The following ARFIP1 variants were observed in gnomAD, a reference collection of about 807,000 sequenced individuals.
The protein encoded by ARFIP1 is ARF interacting protein 1, also known as arfaptin-1.
ARFIP1 carries 24 observed loss-of-function variants against 42.5 expected under a neutral mutation model. The ratio of observed to expected loss-of-function variants is 0.57; its 90% CI spans 0.41 to 0.80. The LOEUF is 0.80. ARFIP1 is among the 30% of genes least tolerant of loss of function. ARFIP1 has a pLI of 0.00. For missense variants in ARFIP1, 354 were observed against 434.0 expected (o/e 0.82, Z 1.64); for synonymous variants, 141 against 153.7 (o/e 0.92, Z 0.61).
intron 7 of ARFIP1, among the ~76,000 whole-genome samples, chr4:152,887,739 C>T (rs985376240): frequency 3.3e-5 from 5 of 152,032 alleles, no homozygotes; most frequent in Admixed American, 1.3e-4. Flanking sequence ...TTTACACTTC[C>T]GTTAGTTTTA....
At chr4:152,787,265 G>A (rs1730864118) in intron 1 of ARFIP1, among the ~76,000 whole-genome samples, 2 of 152,182 alleles carry the variant, frequency 1.3e-5, no homozygotes, top group Admixed American at 6.5e-5. Context: ...TAAAATGGTA[G>A]TACAGTTTGA....
chr4:152,863,565 T>C lies in ARFIP1; in HGVS notation c.94-41T>C, dbSNP rs762065971. Reference sequence around the variant, plus strand: ...TTCTGAACTGTTACGTCATGTGGGATTTTTTTACAAAGTTTTTTCTTTTAT... The same window carrying C: ...TTCTGAACTGTTACGTCATGTGGGACTTTTTTACAAAGTTTTTTCTTTTAT... On this transcript the variant is annotated intron_variant, in intron 2 of 8. Coordinates refer to ENST00000353617, the MANE Select transcript of ARFIP1 (RefSeq NM_001025595.3). 25 of 1,194,690 alleles carry C rather than the reference T, an allele frequency of 2.1e-5. No individual in the cohort carries two copies. The Admixed American group carries it at 4.7e-4, about 23-fold the overall frequency. The allele number at this position is 1,194,690 out of a possible 1,614,324, so 74.0% of individuals were successfully genotyped here.
intron 2 of ARFIP1, among the ~76,000 whole-genome samples, chr4:152,834,599 C>T (rs561052851): frequency 2.4e-4 from 37 of 152,350 alleles, no homozygotes; most frequent in African/African-American, 8.4e-4. Context: ...CTCCTTTACT[C>T]TGTGCTCTGC....
chr4:152,868,596 T>C (rs1161583877), intron 3 of ARFIP1, among the ~76,000 whole-genome samples: 1 of 152,194 alleles, frequency 6.6e-6, no homozygotes, highest in South Asian at 2.1e-4. Flanking sequence ...TCATTTGTTA[T>C]ATATATTATA....
chr4:152,847,723 A>T (rs1455032346), intron 2 of ARFIP1, among the ~76,000 whole-genome samples: 1 of 152,142 alleles, frequency 6.6e-6, no homozygotes. Context: ...GGTCAAAATT[A>T]ATTAGAAATT....
intron 2 of ARFIP1, among the ~76,000 whole-genome samples, chr4:152,840,382 A>G (rs977353314): frequency 2.0e-5 from 3 of 152,052 alleles, no homozygotes; most frequent in South Asian, 4.1e-4. Context: ...GTTGCTGTCT[A>G]TCTCATTTCT....
At chr4:152,867,602 G>A (rs901894879) in intron 3 of ARFIP1, among the ~76,000 whole-genome samples, 1 of 152,100 alleles carries the variant, frequency 6.6e-6, no homozygotes, top group African/African-American at 2.4e-5. Context: ...TATTTTTAAT[G>A]AAATTATTTA....
intron 1 of ARFIP1, among the ~76,000 whole-genome samples, chr4:152,811,938 A>T (rs1473342897): frequency 6.6e-6 from 1 of 152,200 alleles, no homozygotes; most frequent in African/African-American, 2.4e-5. Context: ...CATTCTTTGT[A>T]GGGAAGAAAA....
chr4:152,876,465 A>G (rs1339139398), intron 5 of ARFIP1, among the ~76,000 whole-genome samples: 1 of 152,224 alleles, frequency 6.6e-6, no homozygotes, highest in South Asian at 2.1e-4. Context: ...GAAATTTCTA[A>G]GCAGCAAAGC....
intron 1 of ARFIP1, 28 bp from the exon 2 acceptor site, chr4:152,829,597 C>A (rs768061896): frequency 6.7e-7 from 1 of 1,488,904 alleles, no homozygotes; most frequent in Non-Finnish European, 9.2e-7. Context: ...GTATTAGTTA[C>A]GGCGCTTTTT....
Position 152,888,110 on chromosome 4 carries a change from T to C in ARFIP1, c.792-23T>C, listed in dbSNP as rs1426997286. On this transcript the variant is annotated intron_variant, in intron 7 of 8. Transcript: ENST00000353617. Reference sequence around the variant, plus strand: ...ATACTTTACTGTTCTTGTAGTATGCTTCACTTACTCTCTTCTTTCCAGGAT... The same window carrying C: ...ATACTTTACTGTTCTTGTAGTATGCCTCACTTACTCTCTTCTTTCCAGGAT... 1.9e-6 allele frequency: 3 copies of C among 1,577,030 alleles called. No homozygotes were observed. In the African/African-American group the frequency reaches 4.1e-5, roughly 21 times the overall value.
chr4:152,890,027 T>C (rs1235610980), intron 8 of ARFIP1, among the ~76,000 whole-genome samples: 1 of 150,240 alleles, frequency 6.7e-6, no homozygotes, highest in African/African-American at 2.4e-5. Context: ...ATTTAGATAA[T>C]AGACATTGTA....
At chr4:152,898,084 A>G (rs999472487) in intron 8 of ARFIP1, among the ~76,000 whole-genome samples, 1 of 150,934 alleles carries the variant, frequency 6.6e-6, no homozygotes, top group African/African-American at 2.4e-5. Flanking sequence ...CCCGGGTTCA[A>G]GCAATTCTCT....
intron 6 of ARFIP1, among the ~76,000 whole-genome samples, chr4:152,882,258 A>G (rs1199749785): frequency 1.3e-5 from 2 of 152,100 alleles, no homozygotes; most frequent in African/African-American, 2.4e-5. Context: ...AGAAATATGT[A>G]TTGTTAATAT....
chr4:152,836,037 G>A (rs1731621327), intron 2 of ARFIP1, among the ~76,000 whole-genome samples: 1 of 152,178 alleles, frequency 6.6e-6, no homozygotes, highest in Admixed American at 6.5e-5. Context: ...TCATGATCCA[G>A]TCACCTCCCT....
intron 2 of ARFIP1, among the ~76,000 whole-genome samples, chr4:152,858,205 T>C (rs558180224): frequency 1.3e-5 from 2 of 152,296 alleles, no homozygotes; most frequent in African/African-American, 4.8e-5. Context: ...GGTGGGTGGA[T>C]GGCTCGAGCC....
At chr4:152,839,454 A>T (rs1197547660) in intron 2 of ARFIP1, among the ~76,000 whole-genome samples, 1 of 151,998 alleles carries the variant, frequency 6.6e-6, no homozygotes, top group Non-Finnish European at 1.5e-5. Flanking sequence ...TTTCAGTCTC[A>T]CTGCTTGTTA....
At chr4:152,905,545 G>GTTTTTTTGTTTTTTTTTTTT (rs1738255122) in intron 8 of ARFIP1, among the ~76,000 whole-genome samples, 1 of 30,372 alleles carries the variant, frequency 3.3e-5, no homozygotes, top group African/African-American at 1.2e-4. Flanking sequence ...TGTAAGAATT[G>GTTTTTTTGTTTTTTTTTTTT]TTTTTTTTTT....
At chr4:152,907,926 C>T (rs1738505672) in intron 8 of ARFIP1, among the ~76,000 whole-genome samples, 1 of 152,152 alleles carries the variant, frequency 6.6e-6, no homozygotes. Flanking sequence ...TTCCATAGGG[C>T]ATTTATATCT....
Sources: gnomAD v4.1 joint callset for allele counts (sites outside exome capture counted in the v4.1 genomes callset) on GRCh38, gnomAD v4.1.1 for gene constraint, MANE v1.5 for transcripts, NCBI Gene and HGNC (gene_info 2026-07-23, HGNC 2026-07-21) for gene names.